Variants in NEK7 observed in about 807,000 individuals in gnomAD.
NEK7 encodes NIMA related kinase 7.
In NEK7, 18 loss-of-function variants were observed where a neutral mutation model predicts 44.6. That is an observed-to-expected ratio of 0.40 (90% CI 0.28 to 0.60). NEK7 has a LOEUF of 0.60. NEK7 is among the 20% of genes least tolerant of loss of function. The pLI, the probability that NEK7 is intolerant of heterozygous loss-of-function variation, is 0.38. For synonymous variants in NEK7, 130 were observed against 121.1 expected (o/e 1.07, Z -0.48); for missense variants, 256 against 366.5 (o/e 0.70, Z 2.46).
At chr1:198,283,702 AATTT>A (rs1654282404) in intron 7 of NEK7, among the ~76,000 whole-genome samples, 2 of 152,240 alleles carry the variant, frequency 1.3e-5, no homozygotes. Flanking sequence ...ACATCTTTAA[AATTT>A]ATGATGAGGG....
At chr1:198,290,595 G>C (rs568811360) in intron 7 of NEK7, among the ~76,000 whole-genome samples, 1 of 152,160 alleles carries the variant, frequency 6.6e-6, no homozygotes, top group Admixed American at 6.5e-5. Context: ...GGAGACAGTA[G>C]ACCTCCCTCT....
intron 1 of NEK7, among the ~76,000 whole-genome samples, chr1:198,157,668 TC>T (rs1663951895): frequency 6.6e-6 from 1 of 152,204 alleles, no homozygotes; most frequent in Non-Finnish European, 1.5e-5. Flanking sequence ...TATTTATCTC[TC>T]GCGGATTGGT....
At chr1:198,275,453 A>G (rs1056236593) in intron 5 of NEK7, among the ~76,000 whole-genome samples, 1 of 151,042 alleles carries the variant, frequency 6.6e-6, no homozygotes, top group Admixed American at 6.6e-5. Context: ...AACTTACTAT[A>G]TAACAAATAT....
chr1:198,306,328 T>G (rs535538025), intron 9 of NEK7, among the ~76,000 whole-genome samples: 1 of 152,166 alleles, frequency 6.6e-6, no homozygotes. Context: ...AGTTCTCCAT[T>G]GGAGTCTTAG....
chr1:198,289,441 G>A lies in NEK7; in HGVS notation c.590-3504G>A, dbSNP rs4360549. On this transcript the variant is annotated intron_variant, in intron 7 of 9. Transcript: ENST00000367385. ...GTGGTACAGAATTTTAAAGCAAAAG[G>A]GACCTCAGAGATCAGCTCATCTTTC... Among the ~76,000 whole-genome samples the A allele has an allele frequency of 5.1e-3, 780 of 152,016 alleles. 5 individuals carry two copies. Among genetic ancestry groups the A allele is most frequent in the Non-Finnish European group, 8.9e-3 (605 of 67,958 alleles).
At chr1:198,250,097 T>C (rs1235718998) in intron 2 of NEK7, among the ~76,000 whole-genome samples, 4 of 149,450 alleles carry the variant, frequency 2.7e-5, no homozygotes, top group African/African-American at 1.0e-4. Context: ...TTTCTACATA[T>C]GGCTAGCCAG....
At chr1:198,299,239 A>C (rs1031932610) in intron 9 of NEK7, among the ~76,000 whole-genome samples, 3 of 152,224 alleles carry the variant, frequency 2.0e-5, no homozygotes, top group Non-Finnish European at 4.4e-5. Flanking sequence ...AAATATGCGG[A>C]CTGTATAACA....
At chr1:198,255,164 G>T (rs1653211696) in intron 3 of NEK7, among the ~76,000 whole-genome samples, 1 of 152,186 alleles carries the variant, frequency 6.6e-6, no homozygotes, top group Admixed American at 6.6e-5. Context: ...AGCCCAGATT[G>T]TGGTGAGCAT....
rs561753063 is a variant in NEK7 at position 198,211,317 on chromosome 1, A to C, written c.-28-21236A>C. Among the ~76,000 whole-genome samples the C allele has an allele frequency of 6.6e-5, 10 of 152,330 alleles. No individual in the cohort carries two copies. The South Asian group carries it at 1.9e-3, about 28-fold the overall frequency. ...TTCCAGAACCTTATTATTATAGGAA[A>C]TTATGTATCAGATGAAGAATACTAC... On this transcript the variant is annotated intron_variant, in intron 1 of 9. Transcript: ENST00000367385.
intron 9 of NEK7, among the ~76,000 whole-genome samples, chr1:198,316,112 A>AG (rs1427650068): frequency 9.9e-5 from 15 of 152,232 alleles, no homozygotes; most frequent in African/African-American, 2.4e-4. Flanking sequence ...GAGAAGGTCT[A>AG]GGCCGGAATT....
chr1:198,176,716 G>A (rs1206121808), intron 1 of NEK7, among the ~76,000 whole-genome samples: 1 of 152,096 alleles, frequency 6.6e-6, no homozygotes, highest in African/African-American at 2.4e-5. Flanking sequence ...GATGATGTTT[G>A]TGAGGCAGAA....
chr1:198,278,827 T>G, intron 6 of NEK7, 127 bp from the exon 7 acceptor site: 1 of 592,256 alleles, frequency 1.7e-6, no homozygotes, highest in Non-Finnish European at 3.0e-6. Context: ...ATAAACTAAT[T>G]GGTTCATAAA....
intron 1 of NEK7, among the ~76,000 whole-genome samples, chr1:198,166,244 T>G (rs557094956): frequency 6.6e-6 from 1 of 152,388 alleles, no homozygotes; most frequent in East Asian, 1.9e-4. Context: ...GATGTTTTAC[T>G]CAATTATAGA....
intron 1 of NEK7, among the ~76,000 whole-genome samples, chr1:198,231,409 T>C (rs1169306057): frequency 6.7e-6 from 1 of 148,578 alleles, no homozygotes; most frequent in Non-Finnish European, 1.5e-5. Context: ...GGATAATTTT[T>C]TCAATATATC....
chr1:198,162,515 G>T (rs115336667), intron 1 of NEK7, among the ~76,000 whole-genome samples: 1 of 152,150 alleles, frequency 6.6e-6, no homozygotes, highest in East Asian at 1.9e-4. Context: ...GCCTTGAGGA[G>T]TAAATGAAAA....
intron 1 of NEK7, among the ~76,000 whole-genome samples, chr1:198,185,668 T>A (rs1350553135): frequency 6.6e-6 from 1 of 152,170 alleles, no homozygotes; most frequent in Non-Finnish European, 1.5e-5. Context: ...AAACAGTACC[T>A]CCCATCTATA....
chr1:198,252,554 ATATATATATATAT>A lies in NEK7; in HGVS notation c.58-485_58-473del, dbSNP rs1558079204. ...TATATATATATATATATATATATATATATATATATATATAAAAAGTACATATATACACATATAT... is the reference window on the plus strand; with the variant it reads ...TATATATATATATATATATATATATAAAAAAGTACATATATACACATATAT... On this transcript the variant is annotated intron_variant, in intron 2 of 9. Coordinates refer to ENST00000367385, the MANE Select transcript of NEK7 (RefSeq NM_133494.3). Among the ~76,000 whole-genome samples the A allele has an allele frequency of 1.1e-3, 78 of 68,602 alleles. 3 individuals carry two copies. Among genetic ancestry groups the A allele is most frequent in the African/African-American group, 8.0e-3 (65 of 8,076 alleles). The allele number at this position is 68,602 out of a possible 152,430, so 45.0% of individuals were successfully genotyped here. A position where few individuals can be genotyped will look rare whatever the true frequency, so the allele number is the denominator to read the frequency against.
intron 1 of NEK7, among the ~76,000 whole-genome samples, chr1:198,206,287 T>A (rs1665596037): frequency 1.3e-5 from 2 of 152,148 alleles, no homozygotes; most frequent in Admixed American, 6.5e-5. Context: ...CAACACTGAT[T>A]TCAATAAAAA....
At chr1:198,259,786 A>C (rs1003493895) in intron 3 of NEK7, among the ~76,000 whole-genome samples, 1 of 151,294 alleles carries the variant, frequency 6.6e-6, no homozygotes, top group South Asian at 2.1e-4. Flanking sequence ...CTTCAGTTCA[A>C]GAACTTTCGA....
Sources: allele counts gnomAD v4.1 joint callset (sites outside exome capture counted in the v4.1 genomes callset), GRCh38; gene constraint gnomAD v4.1.1; transcripts MANE v1.5; gene names NCBI Gene and HGNC (gene_info 2026-07-23, HGNC 2026-07-21).